The following GNG12 variants were observed in gnomAD, a reference collection of about 807,000 sequenced individuals.
GNG12 encodes guanine nucleotide-binding protein G(I)/G(S)/G(O) subunit gamma-12.
For missense variants in GNG12, 69 were observed against 83.8 expected (o/e 0.82, Z 0.69); for synonymous variants, 28 against 29.7 (o/e 0.94, Z 0.19).
chr1:67,761,682 T>C (rs1203707686), intron 2 of GNG12, among the ~76,000 whole-genome samples: 1 of 152,160 alleles, frequency 6.6e-6, no homozygotes, highest in East Asian at 1.9e-4. Flanking sequence ...TTTCCAACAG[T>C]TCAGCAGGGT....
chr1:67,764,466 T>G (rs59762035), intron 2 of GNG12, among the ~76,000 whole-genome samples: 2,453 of 152,228 alleles, frequency 0.016, 77 homozygotes, highest in African/African-American at 0.056. Flanking sequence ...AGTCTAAACT[T>G]CAGCGTATTA....
intron 1 of GNG12, among the ~76,000 whole-genome samples, chr1:67,811,373 C>A (rs1646924405): frequency 6.6e-6 from 1 of 152,094 alleles, no homozygotes; most frequent in South Asian, 2.1e-4. Flanking sequence ...AGAGATACTA[C>A]AATTTTTGGT....
chr1:67,745,265 AC>A (rs1474673872), intron 2 of GNG12, among the ~76,000 whole-genome samples: 2 of 152,216 alleles, frequency 1.3e-5, no homozygotes, highest in Non-Finnish European at 2.9e-5. Context: ...TAGCAAGCCC[AC>A]CACAAACACT....
intron 2 of GNG12, among the ~76,000 whole-genome samples, chr1:67,716,108 G>A (rs1646324009): frequency 6.6e-6 from 1 of 152,178 alleles, no homozygotes; most frequent in African/African-American, 2.4e-5. Context: ...AGGGAGAGAT[G>A]AGGAGGGGCT....
At chr1:67,782,567 T>C (rs1646743661) in intron 1 of GNG12, among the ~76,000 whole-genome samples, 1 of 152,132 alleles carries the variant, frequency 6.6e-6, no homozygotes, top group African/African-American at 2.4e-5. Flanking sequence ...GAAGACAAAG[T>C]TTTGTTTTTA....
intron 1 of GNG12, among the ~76,000 whole-genome samples, chr1:67,783,538 C>G (rs1322961376): frequency 6.6e-6 from 1 of 152,144 alleles, no homozygotes; most frequent in South Asian, 2.1e-4. Context: ...AGGCAACCTA[C>G]AAAATGGGAG....
At chr1:67,763,118 A>AGAGAGAGAGAGAGAGG (rs1279246951) in intron 2 of GNG12, among the ~76,000 whole-genome samples, 3 of 151,808 alleles carry the variant, frequency 2.0e-5, no homozygotes, top group South Asian at 4.2e-4. Flanking sequence ...AGAGAGAGAG[A>AGAGAGAGAGAGAGAGG]GAATCAATAT....
At chr1:67,795,239 C>T (rs970924728) in intron 1 of GNG12, among the ~76,000 whole-genome samples, 1 of 152,184 alleles carries the variant, frequency 6.6e-6, no homozygotes, top group African/African-American at 2.4e-5. Flanking sequence ...CTGCCATCCG[C>T]AGTTAGTTAC....
Position 67,704,936 on chromosome 1 carries a change from A to C in GNG12, c.*515T>G, listed in dbSNP as rs940462790. The C allele has an allele frequency of 2.0e-5, 3 of 152,328 alleles. No individual in the cohort carries two copies. Among genetic ancestry groups the C allele is most frequent in the African/African-American group, 7.2e-5 (3 of 41,456 alleles). The allele number at this position is 152,328 out of a possible 1,614,324, so 9.4% of individuals were successfully genotyped here. ...ACTGAGAAACTGATGGTATGGAGAGAGGGACGTTTTCATAAGAAAATAGCT... is the reference window on the plus strand; with the variant it reads ...ACTGAGAAACTGATGGTATGGAGAGCGGGACGTTTTCATAAGAAAATAGCT... On this transcript the variant is annotated 3_prime_UTR_variant, in exon 4 of 4. Transcript: ENST00000370982.
Position 67,785,566 on chromosome 1 carries a change from T to C in GNG12, c.-76-8059A>G, listed in dbSNP as rs1241290419. On this transcript the variant is annotated intron_variant, in intron 1 of 3. Coordinates refer to ENST00000370982, the MANE Select transcript of GNG12 (RefSeq NM_018841.6). ...TATCTCCTAAATCACCTGGCATCTTTCTCTGCATGGAGGAGCACTCGTTCG... is the reference window on the plus strand; with the variant it reads ...TATCTCCTAAATCACCTGGCATCTTCCTCTGCATGGAGGAGCACTCGTTCG... Among the ~76,000 whole-genome samples, 10 of 152,288 alleles carry C rather than the reference T, an allele frequency of 6.6e-5. No homozygotes were observed. The East Asian group carries it at 1.7e-3, about 26-fold the overall frequency.
At chr1:67,832,108 G>A (rs1309960253) in intron 1 of GNG12, among the ~76,000 whole-genome samples, 2 of 152,234 alleles carry the variant, frequency 1.3e-5, no homozygotes, top group East Asian at 3.8e-4. Context: ...AATATAAACT[G>A]TGTCGGCAAA....
At chr1:67,706,555 T>C (rs561899034) in intron 3 of GNG12, among the ~76,000 whole-genome samples, 1 of 152,212 alleles carries the variant, frequency 6.6e-6, no homozygotes, top group South Asian at 2.1e-4. Flanking sequence ...GAGCCCTGTC[T>C]AGCACAGCCC....
At chr1:67,716,992 G>T (rs936581891) in intron 2 of GNG12, among the ~76,000 whole-genome samples, 2 of 152,148 alleles carry the variant, frequency 1.3e-5, no homozygotes, top group African/African-American at 4.8e-5. Context: ...TGCAGAGCCT[G>T]GGCAGCGAGT....
chr1:67,751,914 C>A (rs904654426), intron 2 of GNG12, among the ~76,000 whole-genome samples: 1 of 152,160 alleles, frequency 6.6e-6, no homozygotes, highest in African/African-American at 2.4e-5. Flanking sequence ...TAAGCTAAGT[C>A]GGCATTTAAG....
intron 1 of GNG12, among the ~76,000 whole-genome samples, chr1:67,808,461 TAAATAAAAG>T (rs1425049385): frequency 2.6e-5 from 4 of 151,854 alleles, no homozygotes; most frequent in Non-Finnish European, 5.9e-5. Flanking sequence ...AATGCAATAG[TAAATAAAAG>T]AAATAAAAGA....
rs181889818 is a variant in GNG12, at chr1:67,723,970, G to C, written c.-26-16258C>G. ...GCTGAGTAGTTTCCACAGCTTGAAGGGAATGGAGGTCAAATGATAAGGGGC... is the reference window on the plus strand; with the variant it reads ...GCTGAGTAGTTTCCACAGCTTGAAGCGAATGGAGGTCAAATGATAAGGGGC... On this transcript the variant is annotated intron_variant, in intron 2 of 3. Transcript: ENST00000370982. 1.2e-3 allele frequency among the ~76,000 whole-genome samples: 186 copies of C among 152,338 alleles called. 1 individual carries two copies. Among genetic ancestry groups the C allele is most frequent in the African/African-American group, 4.3e-3 (180 of 41,576 alleles).
At chr1:67,792,103 T>C (rs571100496) in intron 1 of GNG12, among the ~76,000 whole-genome samples, 2 of 152,274 alleles carry the variant, frequency 1.3e-5, no homozygotes, top group South Asian at 4.2e-4. Context: ...TACTCTCTCT[T>C]CCCAGACTCT....
At chr1:67,751,732 A>T (rs1014710659) in intron 2 of GNG12, among the ~76,000 whole-genome samples, 2 of 152,352 alleles carry the variant, frequency 1.3e-5, no homozygotes, top group Admixed American at 1.3e-4. Context: ...ATGGCTTGTG[A>T]GACATCTCTT....
chr1:67,722,357 C>T (rs907954054), intron 2 of GNG12, among the ~76,000 whole-genome samples: 2 of 152,168 alleles, frequency 1.3e-5, no homozygotes, highest in Non-Finnish European at 2.9e-5. Context: ...TTGCAGTCGC[C>T]AGCTGGGGCT....
Sources: allele counts gnomAD v4.1 joint callset (sites outside exome capture counted in the v4.1 genomes callset), GRCh38; gene constraint gnomAD v4.1.1; transcripts MANE v1.5; gene names NCBI Gene and HGNC (gene_info 2026-07-23, HGNC 2026-07-21).